The following DMRT1 variants were observed in gnomAD, a reference collection of about 807,000 sequenced individuals.
The protein encoded by DMRT1 is doublesex and mab-3 related transcription factor 1.
DMRT1 carries 7 observed loss-of-function variants against 32.3 expected under a neutral mutation model. That is an observed-to-expected ratio of 0.22 (90% confidence interval 0.12 to 0.41). The LOEUF (loss-of-function observed/expected upper bound fraction) is 0.41, where lower values mean the gene tolerates loss of function less well. Among genes scored for constraint, DMRT1 ranks in the 10% least tolerant of loss-of-function variants. DMRT1 has a pLI of 1.00. For missense variants in DMRT1, 625 were observed against 500.5 expected, an observed-to-expected ratio of 1.25 and a Z score of -2.37; for synonymous variants, 278 against 206.1, an observed-to-expected ratio of 1.35 and a Z score of -2.99.
chr9:925,011 C>A (rs555227072), intron 4 of DMRT1, among the ~76,000 whole-genome samples: 1 of 152,194 alleles, frequency 6.6e-6, no homozygotes, highest in South Asian at 2.1e-4. Context: ...GACAAGGCCT[C>A]CTCCAGGCTG....
chr9:966,032 C>T (rs1434908116), intron 4 of DMRT1, among the ~76,000 whole-genome samples: 1 of 152,138 alleles, frequency 6.6e-6, no homozygotes, highest in Non-Finnish European at 1.5e-5. Context: ...GGGACATTAA[C>T]GCACGGACTC....
chr9:905,581 G>T (rs1180686958), intron 3 of DMRT1, among the ~76,000 whole-genome samples: 1 of 151,712 alleles, frequency 6.6e-6, no homozygotes, highest in Non-Finnish European at 1.5e-5. Flanking sequence ...ATAATGGAAA[G>T]GTTTTTTGTT....
chr9:962,673 T>C (rs905541267), intron 4 of DMRT1, among the ~76,000 whole-genome samples: 1 of 152,086 alleles, frequency 6.6e-6, no homozygotes, highest in Non-Finnish European at 1.5e-5. Context: ...TAATTTTGCT[T>C]GAGTCCCTGG....
At chr9:929,134 C>A (rs993082276) in intron 4 of DMRT1, among the ~76,000 whole-genome samples, 1 of 152,154 alleles carries the variant, frequency 6.6e-6, no homozygotes, top group Non-Finnish European at 1.5e-5. Context: ...CCACCACTCC[C>A]GGCTTAAATT....
At position 873,310 on chromosome 9, in the gene DMRT1, A is replaced by ATT. The variant is rs111862526; in HGVS notation, c.539-20591_539-20590dup. ...AATTGTAAAACACATTTCTATAAGC[A>ATT]TTTTTTTTTTTTGAGATGGAGTTTT... is the stretch of plus-strand genomic sequence containing the variant. On this transcript the variant is annotated intron_variant, in intron 2 of 4. Coordinates refer to ENST00000382276, the MANE Select transcript of DMRT1 (RefSeq NM_021951.3). 7.8e-4 allele frequency among the ~76,000 whole-genome samples: 113 copies of ATT among 144,362 alleles called. 1 individual carries two copies. Among genetic ancestry groups the ATT allele is most frequent in the South Asian group, 3.1e-3 (14 of 4,574 alleles). 94.7% of individuals were successfully genotyped at this position (144,362 alleles called of 152,430 possible).
At chr9:927,931 G>A (rs183316792) in intron 4 of DMRT1, among the ~76,000 whole-genome samples, 1 of 152,220 alleles carries the variant, frequency 6.6e-6, no homozygotes, top group Non-Finnish European at 1.5e-5. Context: ...TGATAGGAGG[G>A]CAAAGAGGAG....
At chr9:921,716 A>T (rs577696296) in intron 4 of DMRT1, among the ~76,000 whole-genome samples, 5 of 152,180 alleles carry the variant, frequency 3.3e-5, no homozygotes, top group Non-Finnish European at 7.3e-5. Context: ...TCTACAAAAA[A>T]ATAAAAAATA....
chr9:931,108 A>G (rs1217031710), intron 4 of DMRT1, among the ~76,000 whole-genome samples: 1 of 152,182 alleles, frequency 6.6e-6, no homozygotes, highest in African/African-American at 2.4e-5. Context: ...AAATGGGATC[A>G]TAGAATATGT....
chr9:947,232 C>T (rs565608831), intron 4 of DMRT1, among the ~76,000 whole-genome samples: 1 of 152,280 alleles, frequency 6.6e-6, no homozygotes, highest in South Asian at 2.1e-4. Context: ...AATTTGTAAA[C>T]TTTCTTAAAA....
intron 3 of DMRT1, among the ~76,000 whole-genome samples, chr9:900,101 A>T (rs1817514754): frequency 6.6e-6 from 1 of 152,182 alleles, no homozygotes; most frequent in Admixed American, 6.5e-5. Flanking sequence ...AATTGGGAAA[A>T]GTGAGTCTTG....
intron 4 of DMRT1, among the ~76,000 whole-genome samples, chr9:949,866 A>G (rs1486492668): frequency 6.6e-6 from 1 of 152,200 alleles, no homozygotes. Flanking sequence ...CTCCAGGTTC[A>G]TTCCGTTGCA....
At position 872,070 on chromosome 9, in the gene DMRT1, C is replaced by CT. The variant is rs202012614; in HGVS notation, c.539-21833dup. Among the ~76,000 whole-genome samples the CT allele has an allele frequency of 2.0e-3, 299 of 150,368 alleles. 4 individuals carry two copies. The highest frequency in any genetic ancestry group is 3.4e-3 in the Non-Finnish European group (233 of 67,716). On this transcript the variant is annotated intron_variant, in intron 2 of 4. Transcript: ENST00000382276. ...ATTTACATGCCATAAAACTCACCAT[C>CT]TTTTTTTTTGTGATGGCATCTCACT...
At chr9:851,486 C>T (rs1215127444) in intron 2 of DMRT1, among the ~76,000 whole-genome samples, 1 of 152,176 alleles carries the variant, frequency 6.6e-6, no homozygotes, top group African/African-American at 2.4e-5. Flanking sequence ...TGATTGCCCG[C>T]CTCGGCCTCC....
At chr9:843,207 A>C (rs985537930) in intron 1 of DMRT1, among the ~76,000 whole-genome samples, 1 of 152,196 alleles carries the variant, frequency 6.6e-6, no homozygotes, top group Non-Finnish European at 1.5e-5. Context: ...GGTTAGCGGG[A>C]AAGGGAGGCT....
intron 3 of DMRT1, among the ~76,000 whole-genome samples, chr9:905,488 C>CTG (rs57056050): frequency 0.01 from 1,547 of 147,806 alleles, 28 homozygotes; most frequent in African/African-American, 0.034. Flanking sequence ...GTGTGTGTGT[C>CTG]TGTGTGTGTG....
chr9:953,356 G>A (rs1162194919), intron 4 of DMRT1, among the ~76,000 whole-genome samples: 1 of 152,110 alleles, frequency 6.6e-6, no homozygotes, highest in Non-Finnish European at 1.5e-5. Flanking sequence ...CTGGAGTTTA[G>A]TTATACCCAT....
At chr9:958,073 G>A (rs10123824) in intron 4 of DMRT1, among the ~76,000 whole-genome samples, 113,384 of 152,058 alleles carry the variant, frequency 0.75, 42,548 homozygotes, top group Middle Eastern at 0.81. Context: ...CATTAATGCT[G>A]GTTATAAAGA....
intron 2 of DMRT1, among the ~76,000 whole-genome samples, chr9:870,072 G>A (rs183825965): frequency 2.6e-5 from 4 of 152,260 alleles, no homozygotes; most frequent in Non-Finnish European, 5.9e-5. Flanking sequence ...TGACCTTTTG[G>A]GGGCAAATTA....
At chr9:900,955 G>C (rs572820918) in intron 3 of DMRT1, among the ~76,000 whole-genome samples, 1 of 151,800 alleles carries the variant, frequency 6.6e-6, no homozygotes, top group South Asian at 2.1e-4. Context: ...GCCTCTAGAA[G>C]CGCTGGGATT....
Sources: gnomAD v4.1 joint callset for allele counts (sites outside exome capture counted in the v4.1 genomes callset) on GRCh38, gnomAD v4.1.1 for gene constraint, MANE v1.5 for transcripts, NCBI Gene and HGNC (gene_info 2026-07-23, HGNC 2026-07-21) for gene names.